The following CROT variants were observed in gnomAD, a reference collection of about 807,000 sequenced individuals.
CROT encodes the protein peroxisomal carnitine O-octanoyltransferase.
Under a neutral mutation model 89.2 loss-of-function variants are expected in CROT, and 84 were observed. That is an observed-to-expected ratio of 0.94 (90% CI 0.79 to 1.13). The LOEUF is 1.13. Ranked by LOEUF, CROT falls within the 50% of genes most tolerant of loss-of-function variation. CROT has a pLI of 0.00. For synonymous variants in CROT, 212 were observed against 239.5 expected, an observed-to-expected ratio of 0.89 and a Z score of 1.06; for missense variants, 711 against 727.8, an observed-to-expected ratio of 0.98 and a Z score of 0.27.
At chr7:87,377,202 C>T in intron 9 of CROT, 147 bp from the exon 10 acceptor site, 1 of 508,110 alleles carries the variant, frequency 2.0e-6, no homozygotes, top group Non-Finnish European at 3.5e-6. Flanking sequence ...TATCACATAT[C>T]AGTGTTGCTG....
chr7:87,378,828 C>T (rs1806897129), intron 10 of CROT, among the ~76,000 whole-genome samples: 1 of 152,122 alleles, frequency 6.6e-6, no homozygotes, highest in Non-Finnish European at 1.5e-5. Flanking sequence ...CAAAGTGGTG[C>T]TTGGTTGCCT....
At chr7:87,393,537 T>C (rs1013370900) in intron 17 of CROT, among the ~76,000 whole-genome samples, 3 of 152,222 alleles carry the variant, frequency 2.0e-5, no homozygotes, top group Admixed American at 6.5e-5. Flanking sequence ...CTTATGTTTA[T>C]GGAAAGAATG....
chr7:87,351,905 C>T (rs1000719203), intron 3 of CROT, among the ~76,000 whole-genome samples: 1 of 152,184 alleles, frequency 6.6e-6, no homozygotes, highest in African/African-American at 2.4e-5. Context: ...GAATATTGAA[C>T]AAACGTGCAT....
rs189922484 is a variant in CROT, at chr7:87,372,077, C to T, written c.656+2593C>T. Among the ~76,000 whole-genome samples, 484 of 149,754 alleles carry T rather than the reference C, an allele frequency of 3.2e-3. 2 individuals carry two copies. Among genetic ancestry groups the T allele is most frequent in the Middle Eastern group, 7.0e-3 (2 of 284 alleles). On this transcript the variant is annotated intron_variant, in intron 7 of 17. Coordinates refer to ENST00000331536, the MANE Select transcript of CROT (RefSeq NM_021151.4). The stretch of plus-strand genomic sequence containing the variant: ...GTGAAAAATGGTTTTCATTGTTGTT[C>T]GAATTGGCATATCCCTCATTACAAG...
chr7:87,373,963 T>G (rs1806725673), intron 7 of CROT, among the ~76,000 whole-genome samples: 1 of 152,104 alleles, frequency 6.6e-6, no homozygotes, highest in African/African-American at 2.4e-5. Flanking sequence ...AAAATTAGAC[T>G]TAAATAAAGC....
Position 87,398,525 on chromosome 7 carries a change from T to C in CROT, c.1720T>C (p.Phe574Leu), listed in dbSNP as rs760792815. 5.6e-6 allele frequency: 9 copies of C among 1,613,464 alleles called. No individual in the cohort carries two copies. In the East Asian group the frequency reaches 1.8e-4, roughly 32 times the overall value. The change falls in exon 18 of 18, where the codon TTT (phenylalanine) becomes CTT (leucine). Residue 574 changes from phenylalanine to leucine, a missense_variant and splice_region_variant. Coordinates refer to ENST00000331536, the MANE Select transcript of CROT (RefSeq NM_021151.4). Reference protein sequence around the residue: ...GFFYHIRDDRFVVACSAWKSC... With the variant: ...GFFYHIRDDRLVVACSAWKSC... ...TTAATCATTATTTATGCTTCACAGGTTTGTTGTGGCCTGTTCAGCCTGGAA... is the reference window on the plus strand; with the variant it reads ...TTAATCATTATTTATGCTTCACAGGCTTGTTGTGGCCTGTTCAGCCTGGAA...
intron 2 of CROT, among the ~76,000 whole-genome samples, chr7:87,348,109 A>G (rs6943391): frequency 0.05 from 7,596 of 152,264 alleles, 455 homozygotes; most frequent in African/African-American, 0.14. Context: ...GTTTTAAAAA[A>G]TAGTTTTTGA....
intron 13 of CROT, 152 bp from the exon 14 acceptor site, chr7:87,391,437 G>T: frequency 1.5e-6 from 1 of 675,684 alleles, no homozygotes; most frequent in Non-Finnish European, 2.3e-6. Flanking sequence ...CTTTGGTATT[G>T]GAAATAGGCT....
At chr7:87,381,215 G>GAACC (rs1806990724) in intron 10 of CROT, among the ~76,000 whole-genome samples, 1 of 152,142 alleles carries the variant, frequency 6.6e-6, no homozygotes, top group Non-Finnish European at 1.5e-5. Flanking sequence ...CAGTCACAAG[G>GAACC]AACCGTCTGA....
At chr7:87,377,276 A>C in intron 9 of CROT, 73 bp from the exon 10 acceptor site, 1 of 857,832 alleles carries the variant, frequency 1.2e-6, no homozygotes, top group Middle Eastern at 3.3e-4. Flanking sequence ...GAGATGATAT[A>C]TGTGTTTAAG....
chr7:87,393,129 T>C (rs1370910404), intron 17 of CROT, 62 bp downstream of exon 17: 3 of 1,526,268 alleles, frequency 2.0e-6, no homozygotes, highest in Admixed American at 4.0e-5. Flanking sequence ...ACTTTTGTTT[T>C]TAAATGCCTT....
chr7:87,398,233 G>T, intron 17 of CROT: 1 of 546,974 alleles, frequency 1.8e-6, no homozygotes, highest in Admixed American at 2.3e-5. Flanking sequence ...TAGGAAGGAG[G>T]TTTTTTGTTC....
chr7:87,350,258 A>G (rs1805825610), intron 3 of CROT, among the ~76,000 whole-genome samples: 1 of 152,140 alleles, frequency 6.6e-6, no homozygotes, highest in Admixed American at 6.5e-5. Context: ...CAGGAACATA[A>G]TATTCAGTTT....
At chr7:87,380,688 A>C (rs538416519) in intron 10 of CROT, among the ~76,000 whole-genome samples, 11 of 152,222 alleles carry the variant, frequency 7.2e-5, no homozygotes, top group Non-Finnish European at 1.0e-4. Flanking sequence ...TGAGATTATT[A>C]GCTTTCCATT....
intron 6 of CROT, among the ~76,000 whole-genome samples, chr7:87,364,508 T>C (rs1806378601): frequency 6.6e-6 from 1 of 152,144 alleles, no homozygotes; most frequent in African/African-American, 2.4e-5. Flanking sequence ...TTAATGAAAG[T>C]TGAAGAGGGA....
chr7:87,372,438 T>C (rs1405937410), intron 7 of CROT, among the ~76,000 whole-genome samples: 1 of 152,222 alleles, frequency 6.6e-6, no homozygotes, highest in Non-Finnish European at 1.5e-5. Flanking sequence ...AATTATTAGA[T>C]CAGGCTTATT....
In CROT at chr7:87,369,465, A is replaced by G. The variant is rs754899469; in HGVS notation, c.637A>G (p.Thr213Ala). The change falls in exon 7 of 18, where the codon ACC becomes GCC. Residue 213 changes from threonine (T) to alanine (A), a missense_variant. Thr to Ala is a moderately conservative substitution (Grantham distance 58, BLOSUM62 0). Transcript: ENST00000331536. Reference protein sequence around the residue: ...FDVIHEGCLVTPPELLRQLTY... With the variant: ...FDVIHEGCLVAPPELLRQLTY... ...TGTAATACATGAAGGATGTTTGGTC[A>G]CCCCGCCAGAGCTTCTCAGGTTTTC... 6.2e-7 allele frequency: 1 copy of G among 1,611,350 alleles called. No homozygotes were observed. The highest frequency in any genetic ancestry group is 1.3e-5 in the African/African-American group (1 of 74,842).
chr7:87,362,974 G>T (rs904854246), intron 6 of CROT, among the ~76,000 whole-genome samples: 2 of 152,066 alleles, frequency 1.3e-5, no homozygotes, highest in African/African-American at 4.8e-5. Context: ...AAAGATTAGG[G>T]AAACTGAGTT....
rs557895657 is a variant in CROT, at chr7:87,383,543, T to G, written c.1301+1000T>G. On this transcript the variant is annotated intron_variant, in intron 13 of 17. Coordinates refer to ENST00000331536, the MANE Select transcript of CROT (RefSeq NM_021151.4). The stretch of plus-strand genomic sequence containing the variant: ...CAGAGTCTTGCTCTGTCGCCCAGGT[T>G]GGAGTGCAGTGGCATGGTCTTGGTT... Among the ~76,000 whole-genome samples the G allele has an allele frequency of 2.6e-5, 4 of 151,168 alleles. No homozygotes were observed. The Admixed American group carries it at 2.6e-4, about 10-fold the overall frequency.
Sources: gnomAD v4.1 joint callset for allele counts (sites outside exome capture counted in the v4.1 genomes callset) on GRCh38, gnomAD v4.1.1 for gene constraint, MANE v1.5 for transcripts, NCBI Gene and HGNC (gene_info 2026-07-23, HGNC 2026-07-21) for gene names.